The following SSUH2 variants were observed in gnomAD, a reference collection of about 807,000 sequenced individuals.
SSUH2 encodes the protein ssu-2 homolog.
A neutral mutation model predicts 55.3 loss-of-function variants in SSUH2; 47 were observed. That is an observed-to-expected ratio of 0.85 (90% confidence interval 0.67 to 1.08). The LOEUF (loss-of-function observed/expected upper bound fraction) is 1.08, where lower values mean the gene tolerates loss of function less well. Among genes scored for constraint, SSUH2 ranks in the 50% least tolerant of loss-of-function variants. The pLI is 0.00. For synonymous variants in SSUH2, 212 were observed against 191.5 expected (o/e 1.11, Z -0.89); for missense variants, 535 against 490.7 (o/e 1.09, Z -0.85).
chr3:8,625,488 G>A (rs759949112), intron 10 of SSUH2, 54 bp downstream of exon 10: 18 of 1,140,440 alleles, frequency 1.6e-5, no homozygotes, highest in East Asian at 7.1e-5. Flanking sequence ...CCAGGCCCAC[G>A]AGAGCAGAGG....
intron 7 of SSUH2, among the ~76,000 whole-genome samples, chr3:8,628,919 G>A (rs1000290352): frequency 5.3e-5 from 8 of 152,212 alleles, no homozygotes; most frequent in African/African-American, 1.7e-4. Context: ...GCAGTGGCAC[G>A]TTCTCCGCTC....
chr3:8,659,707 C>T (rs1440797154), intron 6 of SSUH2: 1 of 451,688 alleles, frequency 2.2e-6, no homozygotes, highest in Non-Finnish European at 4.5e-6. Flanking sequence ...ATCTACCATG[C>T]ATCATCCGTC....
intron 2 of SSUH2, 23 bp from the exon 3 acceptor site, chr3:8,635,404 G>A: frequency 1.3e-6 from 2 of 1,511,798 alleles, no homozygotes; most frequent in Non-Finnish European, 1.8e-6. Flanking sequence ...AGAGTCAGGG[G>A]CTGGACAGCC....
At chr3:8,623,226 C>A (rs545635748) in intron 11 of SSUH2, among the ~76,000 whole-genome samples, 2 of 152,350 alleles carry the variant, frequency 1.3e-5, no homozygotes, top group South Asian at 4.1e-4. Context: ...CAATCCCCAC[C>A]TTTTTCTTCC....
Position 8,672,235 on chromosome 3 carries a change from T to C in SSUH2, c.-752-200A>G, listed in dbSNP as rs147933214. Among the ~76,000 whole-genome samples, 181 of 152,056 alleles carry C rather than the reference T, an allele frequency of 1.2e-3. 4 individuals carry two copies. The East Asian group carries it at 0.032, about 27-fold the overall frequency. On this transcript the variant is annotated intron_variant, in intron 3 of 18. Coordinates refer to the SSUH2 transcript ENST00000317371. The stretch of plus-strand genomic sequence containing the variant: ...GGGGTGGTGTACACTTTCTGCGCTA[T>C]TGGGAGTAGGGTCATCCTCTCCCCC...
chr3:8,647,759 G>T (rs574418473), upstream of SSUH2, among the ~76,000 whole-genome samples: 1 of 152,312 alleles, frequency 6.6e-6, no homozygotes, highest in African/African-American at 2.4e-5. Context: ...CGAACCCAGA[G>T]CCACCCAGAA....
At chr3:8,639,505 T>A (rs938259699) in intron 1 of SSUH2, among the ~76,000 whole-genome samples, 5 of 152,138 alleles carry the variant, frequency 3.3e-5, no homozygotes, top group African/African-American at 7.2e-5. Context: ...ACCCTATGGC[T>A]CCATGCAAAG....
intron 7 of SSUH2, 66 bp from the exon 8 acceptor site, chr3:8,627,849 G>A (rs1315296724): frequency 3.4e-6 from 5 of 1,458,232 alleles, no homozygotes; most frequent in Non-Finnish European, 4.7e-6. Flanking sequence ...GGCATCCCAA[G>A]ACCTGGTTCA....
At chr3:8,655,751 C>T (rs1407233066) in intron 7 of SSUH2, among the ~76,000 whole-genome samples, 2 of 152,222 alleles carry the variant, frequency 1.3e-5, no homozygotes, top group African/African-American at 2.4e-5. Context: ...TGTTCAGAGC[C>T]AATCAGAAAA....
At chr3:8,681,128 T>C (rs1705910417) in intron 1 of SSUH2, among the ~76,000 whole-genome samples, 2 of 93,572 alleles carry the variant, frequency 2.1e-5, no homozygotes, top group African/African-American at 3.1e-5. Flanking sequence ...AGCCAGCCCC[T>C]CTTCCCCCCC....
chr3:8,663,902 G>A (rs1401026502), intron 5 of SSUH2: 1 of 445,702 alleles, frequency 2.2e-6, no homozygotes, highest in Admixed American at 2.4e-5. Flanking sequence ...ACAAAGGAGG[G>A]AACTGCTTTC....
At chr3:8,625,492 G>T in intron 10 of SSUH2, 50 bp downstream of exon 10, 1 of 1,181,744 alleles carries the variant, frequency 8.5e-7, no homozygotes. Flanking sequence ...GCCCACGAGA[G>T]CAGAGGAGGA....
intron 1 of SSUH2, 95 bp from the exon 2 acceptor site, chr3:8,635,952 A>C (rs1372619053): frequency 9.2e-7 from 1 of 1,081,748 alleles, no homozygotes; most frequent in Non-Finnish European, 1.3e-6. Context: ...GGTGCATTAT[A>C]AAAAGCCTCA....
At position 8,643,981 on chromosome 3, in the gene SSUH2, C is replaced by CCTCCCCA. The variant is rs772894131; in HGVS notation, c.28+743_28+749dup. Among the ~76,000 whole-genome samples the CCTCCCCA allele has an allele frequency of 1.3e-4, 19 of 150,214 alleles. 2 individuals carry two copies. The South Asian group carries it at 4.0e-3, about 32-fold the overall frequency. ...CCACTTCTCAGTCTCATGCTCTTCC[C>CCTCCCCA]CTCCCCACTCCCCGCCACCGGCAAC... On this transcript the variant is annotated intron_variant, in intron 1 of 11. Transcript: ENST00000544814.
At chr3:8,640,180 A>G (rs1700599970) in intron 1 of SSUH2, 1 of 177,438 alleles carries the variant, frequency 5.6e-6, no homozygotes, top group Non-Finnish European at 1.1e-5. Flanking sequence ...ACGTGAATGA[A>G]CAATACTACT....
intron 7 of SSUH2, among the ~76,000 whole-genome samples, chr3:8,653,573 T>C (rs1467933729): frequency 6.6e-6 from 1 of 152,238 alleles, no homozygotes; most frequent in African/African-American, 2.4e-5. Flanking sequence ...GTTGTTGCTG[T>C]AGCAGATTTT....
intron 7 of SSUH2, among the ~76,000 whole-genome samples, chr3:8,657,519 G>T (rs775460175): frequency 6.6e-6 from 1 of 152,138 alleles, no homozygotes; most frequent in Non-Finnish European, 1.5e-5. Flanking sequence ...ATAGACAGTG[G>T]GTACGACAGG....
chr3:8,636,716 C>T (rs1034704829), intron 1 of SSUH2, among the ~76,000 whole-genome samples: 4 of 152,132 alleles, frequency 2.6e-5, no homozygotes, highest in African/African-American at 9.7e-5. Context: ...GTCAGACCTG[C>T]ATTGCAGTCT....
At chr3:8,620,095 A>G in intron 11 of SSUH2, 81 bp from the exon 12 acceptor site, 1 of 1,504,662 alleles carries the variant, frequency 6.6e-7, no homozygotes, top group South Asian at 1.3e-5. Context: ...GTAGCTCCCT[A>G]CTGTGTGTGG....
Sources: allele counts gnomAD v4.1 joint callset (sites outside exome capture counted in the v4.1 genomes callset), GRCh38; gene constraint gnomAD v4.1.1; transcripts MANE v1.5; gene names NCBI Gene and HGNC (gene_info 2026-07-23, HGNC 2026-07-21).